The following ZNF653 variants were observed in gnomAD, a reference collection of about 807,000 sequenced individuals.
ZNF653 encodes zinc finger protein 653.
ZNF653 carries 37 observed loss-of-function variants against 59.9 expected under a neutral mutation model. The observed-to-expected ratio is 0.62, with a 90% CI of 0.48 to 0.81. The LOEUF is 0.81. Among genes scored for constraint, ZNF653 ranks in the 40% least tolerant of loss-of-function variants. The pLI is 0.00. For synonymous variants in ZNF653, 435 were observed against 371.8 expected, an observed-to-expected ratio of 1.17 and a Z score of -1.96; for missense variants, 808 against 881.1, an observed-to-expected ratio of 0.92 and a Z score of 1.05.
intron 1 of ZNF653, 63 bp from the exon 2 acceptor site, chr19:11,498,402 A>G: frequency 2.5e-6 from 4 of 1,605,268 alleles, no homozygotes; most frequent in Non-Finnish European, 3.4e-6. Flanking sequence ...CTGACCCATG[A>G]GTAACAACAG....
intron 1 of ZNF653, among the ~76,000 whole-genome samples, chr19:11,503,492 C>T (rs1971668681): frequency 6.6e-6 from 1 of 152,156 alleles, no homozygotes; most frequent in Admixed American, 6.6e-5. Context: ...ATACAATTTA[C>T]TTATGTTTCT....
intron 1 of ZNF653, 148 bp from the exon 2 acceptor site, chr19:11,498,487 A>G (rs1305665886): frequency 1.8e-6 from 2 of 1,112,224 alleles, no homozygotes; most frequent in Admixed American, 1.8e-5. Flanking sequence ...TGTGTTGCCC[A>G]GGCTAGAGTG....
intron 3 of ZNF653, among the ~76,000 whole-genome samples, chr19:11,488,905 CTT>C (rs944651834): frequency 7.3e-6 from 1 of 137,394 alleles, no homozygotes. Context: ...CTGAGTTTTT[CTT>C]TTTTTTTTTT....
At chr19:11,493,310 G>A (rs1033162897) in intron 3 of ZNF653, among the ~76,000 whole-genome samples, 8 of 152,074 alleles carry the variant, frequency 5.3e-5, no homozygotes, top group Middle Eastern at 3.4e-3. Flanking sequence ...CACCTGCCTC[G>A]GCCTCCCAAA....
intron 3 of ZNF653, among the ~76,000 whole-genome samples, chr19:11,494,286 C>T (rs1971558901): frequency 6.6e-6 from 1 of 151,948 alleles, no homozygotes; most frequent in Non-Finnish European, 1.5e-5. Context: ...CGCACCACTG[C>T]ACTCCAGCTT....
Position 11,505,793 on chromosome 19 carries a change from C to CA in ZNF653, c.-8dup. 7.2e-7 allele frequency: 1 copy of CA among 1,396,348 alleles called. No homozygotes were observed. The highest frequency in any genetic ancestry group is 1.5e-5 in the African/African-American group (1 of 65,578). The allele number at this position is 1,396,348 out of a possible 1,614,324, so 86.5% of individuals were successfully genotyped here. On this transcript the variant is annotated 5_prime_UTR_variant, in exon 1 of 9. Transcript: ENST00000293771. ...CTAGCGCCCGCTCCGCCATCCCCCCCACCCTGGTTACCAGCCTCCCCCGTT... is the reference window on the plus strand; with the variant it reads ...CTAGCGCCCGCTCCGCCATCCCCCCCAACCCTGGTTACCAGCCTCCCCCGTT...
rs1488438939 is a variant in ZNF653 at position 11,483,836 on chromosome 19, C to A, written c.1694G>T (p.Cys565Phe). The A allele has an allele frequency of 1.2e-6, 2 of 1,601,260 alleles. No individual in the cohort carries two copies. Among genetic ancestry groups the A allele is most frequent in the Non-Finnish European group, 1.7e-6 (2 of 1,175,680 alleles). The change falls in exon 9 of 9, where the codon TGC becomes TTC. Residue 565 changes from cysteine to phenylalanine, a missense_variant. Physicochemically the swap from Cys to Phe is radical, Grantham distance 205. Transcript: ENST00000293771. Reference protein sequence around the residue: ...PLQCEICGYQCRQRASLNWHM... With the variant: ...PLQCEICGYQFRQRASLNWHM... ...CCAGTTGAGCGACGCGCGCTGCCGG[C>A]ACTGGTAGCCACAGATCTCGCACCT...
At chr19:11,497,492 T>C (rs1010677453) in intron 2 of ZNF653, among the ~76,000 whole-genome samples, 2 of 152,188 alleles carry the variant, frequency 1.3e-5, no homozygotes, top group African/African-American at 4.8e-5. Flanking sequence ...GAATAAGGGA[T>C]TCCCATCCCG....
chr19:11,503,535 G>A (rs1006928714), intron 1 of ZNF653, among the ~76,000 whole-genome samples: 2 of 152,170 alleles, frequency 1.3e-5, no homozygotes, highest in African/African-American at 2.4e-5. Flanking sequence ...TGCCAGGTAT[G>A]GTGGCTCATG....
chr19:11,497,938 T>A (rs1971605491), intron 2 of ZNF653, among the ~76,000 whole-genome samples: 2 of 152,196 alleles, frequency 1.3e-5, no homozygotes, highest in South Asian at 4.1e-4. Flanking sequence ...GGCTCAGAGC[T>A]GTGCAGACCC....
At chr19:11,493,207 G>T (rs938871649) in intron 3 of ZNF653, among the ~76,000 whole-genome samples, 11 of 151,424 alleles carry the variant, frequency 7.3e-5, no homozygotes, top group Non-Finnish European at 8.8e-5. Flanking sequence ...ACAGGCATGC[G>T]CCACCATGCC....
At position 11,495,969 on chromosome 19, in the gene ZNF653, T is replaced by G. The variant is rs1971582604; in HGVS notation, c.540A>C (p.Ser180=). The G allele has an allele frequency of 1.9e-6, 3 of 1,614,152 alleles. No homozygotes were observed. The African/African-American group carries it at 4.0e-5, about 22-fold the overall frequency. ...LHSPLKPLSD[S]DPDSDKVGNG... The stretch of plus-strand genomic sequence containing the variant: ...ACCTACCTTTGTCACTGTCAGGGTC[T>G]GAGTCGCTGAGGGGCTTCAGGGGCG... The change falls in exon 3 of 9, where the codon TCA becomes TCC. Residue 180 remains serine (S), a synonymous_variant. Coordinates refer to ENST00000293771, the MANE Select transcript of ZNF653 (RefSeq NM_138783.4). This position sits in a 1 kb window ranked among gnomAD's most constrained non-coding sequence, Gnocchi z 4.9.
intron 1 of ZNF653, among the ~76,000 whole-genome samples, chr19:11,501,477 GCCT>G (rs1971643608): frequency 6.6e-6 from 1 of 151,636 alleles, no homozygotes; most frequent in Non-Finnish European, 1.5e-5. Flanking sequence ...CTAGCACCCA[GCCT>G]CCTTCTTCAT....
chr19:11,485,749 G>T lies in ZNF653; in HGVS notation c.1477C>A (p.Arg493=), dbSNP rs753662840. The change falls in exon 7 of 9, where the codon CGG becomes AGG. Residue 493 remains arginine, a synonymous_variant. Coordinates refer to ENST00000293771, the MANE Select transcript of ZNF653 (RefSeq NM_138783.4). ...GGGCACACTTTGGTCTTTCCTTTCC[G>T]ATGCACAAGATTGACGTGGTTCTGG... The part of the protein sequence containing the change: ...SFQNHVNLVH[R]KGKTKVCPHP... The T allele has an allele frequency of 1.2e-6, 2 of 1,613,848 alleles. No individual in the cohort carries two copies. Among genetic ancestry groups the T allele is most frequent in the South Asian group, 1.1e-5 (1 of 91,072 alleles).
In ZNF653 at chr19:11,487,461, G is replaced by A; in HGVS notation, c.1002C>T (p.Gly334=). ...TGCCTGCTGCCATGTTGAGGTGAATGCCCTCGGCCGTGAGAGCGTCGTAAC... is the reference window on the plus strand; with the variant it reads ...TGCCTGCTGCCATGTTGAGGTGAATACCCTCGGCCGTGAGAGCGTCGTAAC... ...GPGYDALTAE[G]IHLNMAAGSG... The change falls in exon 4 of 9, where the codon GGC becomes GGT. Residue 334 remains glycine, a synonymous_variant. Coordinates refer to ENST00000293771, the MANE Select transcript of ZNF653 (RefSeq NM_138783.4). This position sits in a 1 kb window ranked among gnomAD's most constrained non-coding sequence, Gnocchi z 5.1. 3.1e-6 allele frequency: 5 copies of A among 1,613,124 alleles called. No homozygotes were observed. Among genetic ancestry groups the A allele is most frequent in the Non-Finnish European group, 4.2e-6 (5 of 1,179,980 alleles).
At chr19:11,504,873 CCT>C (rs1337568345) in intron 1 of ZNF653, 3 of 152,430 alleles carry the variant, frequency 2.0e-5, no homozygotes, top group Non-Finnish European at 4.4e-5. Flanking sequence ...CAAAGACAGG[CCT>C]CTCTGCCCTC....
At position 11,495,006 on chromosome 19, in the gene ZNF653, GACGGTCGTTGGCGGGGGCGC is replaced by G. The variant is rs1971570468; in HGVS notation, c.559+924_559+943del. Among the ~76,000 whole-genome samples the G allele has an allele frequency of 1.3e-5, 2 of 152,228 alleles. No homozygotes were observed. Among genetic ancestry groups the G allele is most frequent in the Admixed American group, 1.3e-4 (2 of 15,276 alleles). On this transcript the variant is annotated intron_variant, in intron 3 of 8. Transcript: ENST00000293771. This position sits in a 1 kb window ranked among gnomAD's most constrained non-coding sequence, Gnocchi z 4.9. ...TGAGAGCCTGGCCGACACTTGGTGG[GACGGTCGTTGGCGGGGGCGC>G]CCACCCGGAACACCTCTCGCCCCCG...
At position 11,487,872 on chromosome 19, in the gene ZNF653, G is replaced by C; in HGVS notation, c.591C>G (p.Asp197Glu). 2 of 1,599,896 alleles carry C rather than the reference G, an allele frequency of 1.3e-6. No individual in the cohort carries two copies. Among genetic ancestry groups the C allele is most frequent in the Non-Finnish European group, 1.7e-6 (2 of 1,171,014 alleles). ...VGNGLVAGSS[D>E]SSSSGSASDS... ...CAGAGGCAGAGCCAGAGCTGGATGA[G>C]TCAGAGCTGCCAGCCACCAGCCCAT... The change falls in exon 4 of 9, where the codon GAC becomes GAG. Residue 197 changes from aspartate to glutamate, a missense_variant. Transcript: ENST00000293771. The surrounding 1 kb of genome is among the most constrained non-coding windows in gnomAD (Gnocchi z 5.1).
intron 3 of ZNF653, among the ~76,000 whole-genome samples, chr19:11,493,121 G>A (rs150081095): frequency 0.01 from 1,518 of 149,812 alleles, 25 homozygotes; most frequent in African/African-American, 0.036. Flanking sequence ...GCAGTGGTGC[G>A]ATCTTGGCTC....
Sources: gnomAD v4.1 joint callset for allele counts (sites outside exome capture counted in the v4.1 genomes callset) on GRCh38, gnomAD v4.1.1 for gene constraint, Gnocchi (gnomAD v3.1) non-coding constraint, MANE v1.5 for transcripts, NCBI Gene and HGNC (gene_info 2026-07-23, HGNC 2026-07-21) for gene names.